RTN4: variants seen among roughly 807,000 people sequenced by gnomAD.
The protein encoded by RTN4 is reticulon 4, also known as reticulon-4.
RTN4 carries 32 observed loss-of-function variants against 90.4 expected under a neutral mutation model. That is an observed-to-expected ratio of 0.35 (90% CI 0.27 to 0.48). RTN4 has a LOEUF of 0.48. Ranked by LOEUF, RTN4 falls within the 20% of genes least tolerant of loss-of-function variation. RTN4 has a pLI of 0.99. For missense variants in RTN4, 1,706 were observed against 1,430.2 expected, an observed-to-expected ratio of 1.19 and a Z score of -3.11; for synonymous variants, 629 against 552.5, an observed-to-expected ratio of 1.14 and a Z score of -1.94.
intron 1 of RTN4, among the ~76,000 whole-genome samples, chr2:55,102,305 G>C (rs771975403): frequency 6.6e-6 from 1 of 152,072 alleles, no homozygotes. Context: ...TTTAGGCCAG[G>C]GGGTAGCAAA....
chr2:55,128,429 C>T, the RTN4 span, among the ~76,000 whole-genome samples: 1 of 152,098 alleles, frequency 6.6e-6, no homozygotes, highest in Admixed American at 6.6e-5. Flanking sequence ...ATTGCTCTCT[C>T]CGATGAGGAA....
At chr2:55,017,893 TA>T (rs1681158361) in intron 3 of RTN4, among the ~76,000 whole-genome samples, 1 of 152,198 alleles carries the variant, frequency 6.6e-6, no homozygotes, top group African/African-American at 2.4e-5. Flanking sequence ...ATAAAAGCAG[TA>T]GCACCTTGAT....
intron 1 of RTN4, among the ~76,000 whole-genome samples, chr2:55,038,516 A>G (rs548243905): frequency 2.6e-5 from 4 of 152,298 alleles, no homozygotes; most frequent in African/African-American, 9.6e-5. Context: ...AAGGACATGT[A>G]AAAGTCCTCT....
intron 1 of RTN4, among the ~76,000 whole-genome samples, chr2:55,040,740 AG>A (rs1352639143): frequency 3.3e-5 from 5 of 152,042 alleles, no homozygotes; most frequent in African/African-American, 9.7e-5. Context: ...ACCTCTCATA[AG>A]TACAACCTCT....
chr2:55,111,849 G>A (rs1036540340), intron 1 of RTN4, among the ~76,000 whole-genome samples: 1 of 152,086 alleles, frequency 6.6e-6, no homozygotes, highest in Non-Finnish European at 1.5e-5. Flanking sequence ...CCATCTTCCC[G>A]AATGCTGCCT....
chr2:55,040,239 TTAAAA>T (rs1459825678), intron 1 of RTN4, among the ~76,000 whole-genome samples: 1 of 152,190 alleles, frequency 6.6e-6, no homozygotes, highest in African/African-American at 2.4e-5. Flanking sequence ...TTATACAAAA[TTAAAA>T]TATCAGAATT....
chr2:55,050,076 G>A lies in RTN4; in HGVS notation c.225C>T (p.Gly75=), dbSNP rs1668017369. Reference sequence around the variant, plus strand: ...CATTTCCGAAGTCCATCAGGGGCGCGCCGGCGGCAGGGGCGGTGGGCACTG... The same window carrying A: ...CATTTCCGAAGTCCATCAGGGGCGCACCGGCGGCAGGGGCGGTGGGCACTG... ...AAPVPTAPAA[G]APLMDFGNDF... Residue 75 remains glycine (G), a synonymous_variant, in exon 1 of 9, where the codon GGC becomes GGT. Coordinates refer to ENST00000337526, the MANE Select transcript of RTN4 (RefSeq NM_020532.5). This position sits in a 1 kb window ranked among gnomAD's most constrained non-coding sequence, Gnocchi z 4.6. 3.4e-6 allele frequency: 5 copies of A among 1,451,622 alleles called. No homozygotes were observed. The highest frequency in any genetic ancestry group is 2.7e-6 in the Non-Finnish European group (3 of 1,107,318). 89.9% of individuals were successfully genotyped at this position (1,451,622 alleles called of 1,614,324 possible).
rs970413455 is a variant in RTN4 at position 54,972,367 on chromosome 2, A to G, written c.*789T>C. The G allele has an allele frequency of 6.5e-6, 1 of 152,690 alleles. No individual in the cohort carries two copies. The highest frequency in any genetic ancestry group is 2.1e-4 in the South Asian group (1 of 4,828). The allele number at this position is 152,690 out of a possible 1,614,324, so 9.5% of individuals were successfully genotyped here. On this transcript the variant is annotated 3_prime_UTR_variant, in exon 9 of 9. Coordinates refer to ENST00000337526, the MANE Select transcript of RTN4 (RefSeq NM_020532.5). ...CAACATTTTTGGAAGCATTAGATTC[A>G]GTCCATAGATTCTGTGACAAAATTA...
chr2:55,057,676 A>G (rs898855743), intron 2 of RTN4, among the ~76,000 whole-genome samples: 2 of 152,160 alleles, frequency 1.3e-5, no homozygotes, highest in Non-Finnish European at 2.9e-5. Context: ...GAGAAAGCGA[A>G]AAGAGGATGG....
intron 2 of RTN4, among the ~76,000 whole-genome samples, chr2:55,072,597 TTTAAG>T (rs1291076943): frequency 1.3e-5 from 2 of 152,218 alleles, no homozygotes; most frequent in Non-Finnish European, 2.9e-5. Context: ...ATACACATTT[TTTAAG>T]TTTTCACTTT....
At chr2:55,064,611 A>G (rs1361926296) in intron 2 of RTN4, among the ~76,000 whole-genome samples, 2 of 152,216 alleles carry the variant, frequency 1.3e-5, no homozygotes, top group Non-Finnish European at 2.9e-5. Context: ...TTGGCCTCCC[A>G]AAGTGCTGGG....
intron 3 of RTN4, among the ~76,000 whole-genome samples, chr2:54,994,284 A>C (rs1679245621): frequency 6.6e-6 from 1 of 152,224 alleles, no homozygotes; most frequent in African/African-American, 2.4e-5. Flanking sequence ...AAGAAAGGAA[A>C]ACTACAGATA....
intron 1 of RTN4, among the ~76,000 whole-genome samples, chr2:55,028,616 A>G (rs1392674463): frequency 6.6e-6 from 1 of 152,230 alleles, no homozygotes; most frequent in Non-Finnish European, 1.5e-5. Flanking sequence ...TTTGAATACA[A>G]TTAACAACTA....
intron 5 of RTN4, among the ~76,000 whole-genome samples, chr2:54,979,767 T>G (rs980967710): frequency 3.3e-5 from 5 of 152,266 alleles, no homozygotes; most frequent in South Asian, 2.1e-4. Context: ...GCCTCTAGAT[T>G]TTGAGATCTA....
chr2:55,028,306 G>C, intron 1 of RTN4, 86 bp from the exon 2 acceptor site: 1 of 1,216,816 alleles, frequency 8.2e-7, no homozygotes, highest in Non-Finnish European at 1.2e-6. Flanking sequence ...CCAGGGTTCA[G>C]TTTGTAATAA....
intron 1 of RTN4, among the ~76,000 whole-genome samples, chr2:55,102,645 A>T (rs1475041390): frequency 6.6e-6 from 1 of 152,116 alleles, no homozygotes; most frequent in African/African-American, 2.4e-5. Flanking sequence ...CTAATAGGCC[A>T]GTGCATGGTG....
chr2:55,080,272 C>G lies in RTN4; in HGVS notation c.-63+217G>C, dbSNP rs55955907. On this transcript the variant is annotated intron_variant, in intron 2 of 3. Transcript: ENST00000427710. ...GGCTCAAGCGATCCTCCTGCCCCAG[C>G]CTTCCAAAGTACTGGGATTACAGGT... 9.1e-3 allele frequency among the ~76,000 whole-genome samples: 1,389 copies of G among 152,142 alleles called. 10 individuals carry two copies. The highest frequency in any genetic ancestry group is 0.016 in the Non-Finnish European group (1,085 of 67,984).
intron 2 of RTN4, among the ~76,000 whole-genome samples, chr2:55,079,937 T>C (rs1668677718): frequency 6.6e-6 from 1 of 152,226 alleles, no homozygotes. Flanking sequence ...TGTACCATAG[T>C]GTCCTTAATT....
At chr2:55,024,975 A>G (rs150903033) in intron 3 of RTN4, 111 bp downstream of exon 3, 1 of 1,294,004 alleles carries the variant, frequency 7.7e-7, no homozygotes, top group Middle Eastern at 2.8e-4. Context: ...ACTTCTTACC[A>G]ATGTGACATA....
Sources: allele counts gnomAD v4.1 joint callset (sites outside exome capture counted in the v4.1 genomes callset), GRCh38; gene constraint gnomAD v4.1.1; non-coding constraint Gnocchi (gnomAD v3.1); transcripts MANE v1.5; gene names NCBI Gene and HGNC (gene_info 2026-07-23, HGNC 2026-07-21).